DLGAP1: variants seen among roughly 807,000 people sequenced by gnomAD.
DLGAP1 encodes the protein disks large-associated protein 1.
In DLGAP1, 11 loss-of-function variants were observed where a neutral mutation model predicts 90.8. The observed-to-expected ratio is 0.12, with a 90% CI of 0.08 to 0.20. The LOEUF (loss-of-function observed/expected upper bound fraction) is 0.20. DLGAP1 is among the 10% of genes least tolerant of loss of function. The pLI is 1.00. For missense variants in DLGAP1, 1,050 were observed against 1,333.8 expected, an observed-to-expected ratio of 0.79 and a Z score of 3.31; for synonymous variants, 558 against 540.7, an observed-to-expected ratio of 1.03 and a Z score of -0.44.
At chr18:4,200,495 T>C (rs2144802908) in intron 1 of DLGAP1, among the ~76,000 whole-genome samples, 1 of 151,866 alleles carries the variant, frequency 6.6e-6, no homozygotes, top group African/African-American at 2.4e-5. Context: ...TCCCTTTTGA[T>C]TTATAAGATA....
chr18:3,635,252 T>A (rs1048891041), intron 7 of DLGAP1, among the ~76,000 whole-genome samples: 3 of 151,794 alleles, frequency 2.0e-5, no homozygotes, highest in South Asian at 2.1e-4. Context: ...TGCCTCAGCC[T>A]CCCGAGTAGC....
At chr18:4,186,313 T>G (rs1460637922) in intron 1 of DLGAP1, among the ~76,000 whole-genome samples, 1 of 152,194 alleles carries the variant, frequency 6.6e-6, no homozygotes, top group Non-Finnish European at 1.5e-5. Flanking sequence ...CTGCTTTTGT[T>G]GAGATTGCTT....
intron 5 of DLGAP1, among the ~76,000 whole-genome samples, chr18:3,799,880 T>A (rs376072910): frequency 5.9e-5 from 9 of 152,284 alleles, no homozygotes; most frequent in African/African-American, 2.2e-4. Flanking sequence ...GAAATGACAA[T>A]GAGGATCTTA....
At chr18:4,023,046 A>T (rs376328437) in intron 2 of DLGAP1, among the ~76,000 whole-genome samples, 4 of 151,312 alleles carry the variant, frequency 2.6e-5, no homozygotes, top group African/African-American at 7.4e-5. Context: ...GGTATCAGGG[A>T]TTCCATTTCT....
intron 2 of DLGAP1, among the ~76,000 whole-genome samples, chr18:4,066,593 T>C (rs2075373433): frequency 6.6e-6 from 1 of 152,102 alleles, no homozygotes; most frequent in Non-Finnish European, 1.5e-5. Context: ...TTACTGATTA[T>C]TAGAGAAATG....
At chr18:4,434,145 T>C (rs1278707341) in intron 1 of DLGAP1, among the ~76,000 whole-genome samples, 1 of 147,450 alleles carries the variant, frequency 6.8e-6, no homozygotes, top group East Asian at 2.1e-4. Context: ...AACCTCTTCC[T>C]TACACCGAAA....
chr18:4,240,807 A>G (rs142124904), intron 1 of DLGAP1, among the ~76,000 whole-genome samples: 367 of 152,322 alleles, frequency 2.4e-3, no homozygotes, highest in African/African-American at 8.5e-3. Flanking sequence ...CTTCCAATGC[A>G]TGCTGTTGAA....
intron 1 of DLGAP1, among the ~76,000 whole-genome samples, chr18:4,241,923 A>G (rs1194370648): frequency 6.6e-6 from 1 of 152,170 alleles, no homozygotes; most frequent in African/African-American, 2.4e-5. Flanking sequence ...TATATTTATC[A>G]TGTACCACAT....
chr18:3,791,665 T>A (rs534109413), intron 5 of DLGAP1, among the ~76,000 whole-genome samples: 263 of 152,360 alleles, frequency 1.7e-3, no homozygotes, highest in Middle Eastern at 0.01. Context: ...CAGTCATGTA[T>A]TTTATGTGAA....
chr18:4,076,904 C>T (rs116106962), intron 2 of DLGAP1, among the ~76,000 whole-genome samples: 2,399 of 152,224 alleles, frequency 0.016, 60 homozygotes, highest in African/African-American at 0.054. Context: ...GGATTACAGG[C>T]GTAAACCACG....
At chr18:4,338,146 G>A (rs1209205035) in intron 1 of DLGAP1, among the ~76,000 whole-genome samples, 5 of 151,960 alleles carry the variant, frequency 3.3e-5, no homozygotes, top group African/African-American at 2.4e-5. Context: ...TTGTGAAACT[G>A]TACATCTATT....
chr18:4,401,868 T>C (rs947337332), intron 1 of DLGAP1, among the ~76,000 whole-genome samples: 1 of 152,244 alleles, frequency 6.6e-6, no homozygotes, highest in African/African-American at 2.4e-5. Flanking sequence ...TGCTTTAAAA[T>C]ACATACAAAA....
At chr18:4,447,161 CT>C (rs2083687867) in intron 1 of DLGAP1, among the ~76,000 whole-genome samples, 1 of 152,168 alleles carries the variant, frequency 6.6e-6, no homozygotes, top group Non-Finnish European at 1.5e-5. Context: ...TGCAATCCCC[CT>C]CCACCCTAAT....
intron 1 of DLGAP1, among the ~76,000 whole-genome samples, chr18:4,309,151 G>T (rs2080336943): frequency 6.6e-6 from 1 of 152,182 alleles, no homozygotes. Flanking sequence ...TAAGGGCTTG[G>T]TTACCTGTAC....
At chr18:4,145,327 A>C (rs2076566883) in intron 2 of DLGAP1, among the ~76,000 whole-genome samples, 1 of 152,204 alleles carries the variant, frequency 6.6e-6, no homozygotes, top group Admixed American at 6.5e-5. Context: ...TTAGTTTCTA[A>C]ATTATTTCTG....
chr18:4,174,262 T>C (rs1010848493), intron 1 of DLGAP1, among the ~76,000 whole-genome samples: 1 of 152,190 alleles, frequency 6.6e-6, no homozygotes, highest in Non-Finnish European at 1.5e-5. Flanking sequence ...AGTCCTTAAG[T>C]CAGGGGATAA....
At chr18:4,131,214 G>A (rs374562303) in intron 2 of DLGAP1, among the ~76,000 whole-genome samples, 3 of 151,562 alleles carry the variant, frequency 2.0e-5, no homozygotes, top group Non-Finnish European at 3.0e-5. Flanking sequence ...GTGTGTGTGC[G>A]TGCAAGCACG....
intron 3 of DLGAP1, among the ~76,000 whole-genome samples, chr18:3,942,087 T>C (rs1404039579): frequency 6.6e-6 from 1 of 152,178 alleles, no homozygotes; most frequent in African/African-American, 2.4e-5. Flanking sequence ...ATAGTGAAGA[T>C]CATGGGTTTT....
chr18:4,281,458 G>A (rs1446093330), intron 1 of DLGAP1, among the ~76,000 whole-genome samples: 2 of 152,124 alleles, frequency 1.3e-5, no homozygotes, highest in Non-Finnish European at 2.9e-5. Flanking sequence ...GGAGGCTGAG[G>A]CAGGAGAATT....
Sources: allele counts gnomAD v4.1 joint callset (sites outside exome capture counted in the v4.1 genomes callset), GRCh38; gene constraint gnomAD v4.1.1; transcripts MANE v1.5; gene names NCBI Gene and HGNC (gene_info 2026-07-23, HGNC 2026-07-21).